PKNOX2: variants seen among roughly 807,000 people sequenced by gnomAD.
The protein encoded by PKNOX2 is PBX/knotted 1 homeobox 2.
A neutral mutation model predicts 53.1 loss-of-function variants in PKNOX2; 14 were observed. The ratio of observed to expected loss-of-function variants is 0.26; its 90% CI spans 0.17 to 0.41. The LOEUF is 0.41. Among genes scored for constraint, PKNOX2 ranks in the 10% least tolerant of loss-of-function variants. The pLI is 1.00. For missense variants in PKNOX2, 496 were observed against 602.8 expected (o/e 0.82, Z 1.85); for synonymous variants, 257 against 242.8 (o/e 1.06, Z -0.54).
chr11:125,403,672 GT>G (rs1954892136), intron 7 of PKNOX2, among the ~76,000 whole-genome samples: 1 of 152,188 alleles, frequency 6.6e-6, no homozygotes, highest in Non-Finnish European at 1.5e-5. Context: ...ATGGGGATAT[GT>G]TTTTGTGACA....
chr11:125,263,349 G>A (rs546493965), intron 2 of PKNOX2, among the ~76,000 whole-genome samples: 2 of 152,272 alleles, frequency 1.3e-5, no homozygotes, highest in East Asian at 1.9e-4. Flanking sequence ...GAGGAGGAGC[G>A]GCGTGGGAGC....
chr11:125,241,716 G>A (rs569670843), intron 2 of PKNOX2, among the ~76,000 whole-genome samples: 3 of 152,170 alleles, frequency 2.0e-5, no homozygotes, highest in South Asian at 2.1e-4. Flanking sequence ...TTAGCCAGGC[G>A]TAGTGGCGCA....
intron 1 of PKNOX2, among the ~76,000 whole-genome samples, chr11:125,228,950 G>A (rs1009673999): frequency 6.6e-6 from 1 of 152,172 alleles, no homozygotes; most frequent in Non-Finnish European, 1.5e-5. Context: ...GGTGGGGAAA[G>A]TGTCCACAAT....
chr11:125,279,550 A>T (rs1946410362), intron 2 of PKNOX2, among the ~76,000 whole-genome samples: 1 of 152,200 alleles, frequency 6.6e-6, no homozygotes, highest in Non-Finnish European at 1.5e-5. Context: ...TTGCCATTCA[A>T]CTTGCAGTGT....
rs1242202813 is a variant in PKNOX2 at position 125,410,792 on chromosome 11, C to T, written c.732C>T (p.Tyr244=). The change falls in exon 9 of 13, where the codon TAC becomes TAT. Residue 244 remains tyrosine (Y), a synonymous_variant. Transcript: ENST00000298282. ...NSQVVSGGAL[Y]QPVTMVTSQG... is the part of the protein sequence containing the mutation. ...TTGTCTCCTCAGGTGGAGCCTTATACCAACCGGTTACCATGGTAACCTCCC... is the reference window on the plus strand; with the variant it reads ...TTGTCTCCTCAGGTGGAGCCTTATATCAACCGGTTACCATGGTAACCTCCC... 1 of 1,614,040 alleles carries T rather than the reference C, an allele frequency of 6.2e-7. No homozygotes were observed. The highest frequency in any genetic ancestry group is 1.7e-5 in the Admixed American group (1 of 60,008).
intron 1 of PKNOX2, among the ~76,000 whole-genome samples, chr11:125,194,867 A>C (rs1454507485): frequency 6.6e-6 from 1 of 152,206 alleles, no homozygotes; most frequent in Non-Finnish European, 1.5e-5. Flanking sequence ...TTCTCACCAC[A>C]AACCCTCCAG....
chr11:125,278,953 G>A (rs559705300), intron 2 of PKNOX2, among the ~76,000 whole-genome samples: 1 of 152,342 alleles, frequency 6.6e-6, no homozygotes, highest in South Asian at 2.1e-4. Flanking sequence ...CAGGAGGCTG[G>A]CGGATGTCCG....
At chr11:125,431,038 G>T (rs947894975) in intron 12 of PKNOX2, 128 bp from the exon 13 acceptor site, 23 of 1,452,212 alleles carry the variant, frequency 1.6e-5, no homozygotes, top group Non-Finnish European at 1.0e-5. Context: ...TCCAGCTCAG[G>T]CTTGGACAGC....
At chr11:125,399,158 T>C (rs997323691) in intron 7 of PKNOX2, among the ~76,000 whole-genome samples, 4 of 152,244 alleles carry the variant, frequency 2.6e-5, no homozygotes, top group African/African-American at 9.6e-5. Context: ...GTGGGCTCTT[T>C]GTGAGACTCC....
intron 3 of PKNOX2, among the ~76,000 whole-genome samples, chr11:125,334,746 A>T (rs1950342045): frequency 6.6e-6 from 1 of 151,474 alleles, no homozygotes; most frequent in African/African-American, 2.4e-5. Flanking sequence ...CAACAGGTGC[A>T]CACCTCCATG....
intron 7 of PKNOX2, among the ~76,000 whole-genome samples, chr11:125,406,604 C>A (rs2135515881): frequency 6.6e-6 from 1 of 152,242 alleles, no homozygotes. Context: ...GCCTGTCTGA[C>A]CCCGAAGCAC....
chr11:125,287,340 G>A (rs1367688273), intron 2 of PKNOX2, among the ~76,000 whole-genome samples: 3 of 152,166 alleles, frequency 2.0e-5, no homozygotes, highest in Non-Finnish European at 4.4e-5. Flanking sequence ...GGATTCAGGT[G>A]AACCCCAGCT....
intron 5 of PKNOX2, among the ~76,000 whole-genome samples, chr11:125,379,516 A>G (rs1467251664): frequency 6.6e-6 from 1 of 152,228 alleles, no homozygotes; most frequent in Non-Finnish European, 1.5e-5. Context: ...GCAATCTGTC[A>G]GCCCGATTTA....
At chr11:125,339,401 C>T (rs994405004) in intron 3 of PKNOX2, among the ~76,000 whole-genome samples, 12 of 152,172 alleles carry the variant, frequency 7.9e-5, no homozygotes, top group African/African-American at 2.9e-4. Context: ...CGATGGGGTG[C>T]CCTGACTTGA....
intron 1 of PKNOX2, among the ~76,000 whole-genome samples, chr11:125,206,769 GAC>G (rs1046943363): frequency 6.6e-6 from 1 of 152,110 alleles, no homozygotes; most frequent in Non-Finnish European, 1.5e-5. Context: ...TTGGAGCAAA[GAC>G]AGCGCTCAGT....
intron 1 of PKNOX2, among the ~76,000 whole-genome samples, chr11:125,212,949 G>A (rs1024978116): frequency 3.9e-5 from 6 of 152,102 alleles, no homozygotes; most frequent in African/African-American, 1.4e-4. Context: ...GTAGGCTCTT[G>A]CACCACCATC....
chr11:125,234,109 A>G (rs1442596614), intron 1 of PKNOX2, among the ~76,000 whole-genome samples: 1 of 152,010 alleles, frequency 6.6e-6, no homozygotes, highest in Non-Finnish European at 1.5e-5. Context: ...CCACCAGCCA[A>G]TTCTTGTCTG....
intron 7 of PKNOX2, among the ~76,000 whole-genome samples, chr11:125,403,950 G>C (rs1954911884): frequency 6.6e-6 from 1 of 152,322 alleles, no homozygotes; most frequent in African/African-American, 2.4e-5. Flanking sequence ...ATCCCCACCT[G>C]AGAAGGGTGG....
rs113368535 is a variant in PKNOX2 at position 125,370,972 on chromosome 11, G to T, written c.227+2987G>T. 2.1e-4 allele frequency among the ~76,000 whole-genome samples: 32 copies of T among 152,348 alleles called. No individual in the cohort carries two copies. Among genetic ancestry groups the T allele is most frequent in the African/African-American group, 5.8e-4 (24 of 41,586 alleles). Reference sequence around the variant, plus strand: ...GTGGGTGTGGCCCCTCCCTGCCTAGGACACTGCTCGGTGGCAGAGGGGCAG... The same window carrying T: ...GTGGGTGTGGCCCCTCCCTGCCTAGTACACTGCTCGGTGGCAGAGGGGCAG... On this transcript the variant is annotated intron_variant, in intron 5 of 12. Transcript: ENST00000298282. The surrounding 1 kb of genome is among the most constrained non-coding windows in gnomAD (Gnocchi z 4.1).
Sources: gnomAD v4.1 joint callset for allele counts (sites outside exome capture counted in the v4.1 genomes callset) on GRCh38, gnomAD v4.1.1 for gene constraint, Gnocchi (gnomAD v3.1) non-coding constraint, MANE v1.5 for transcripts, NCBI Gene and HGNC (gene_info 2026-07-23, HGNC 2026-07-21) for gene names.